The following BMP6 variants were observed in gnomAD, a reference collection of about 807,000 sequenced individuals.
BMP6 encodes VG-1-R.
In BMP6, 17 loss-of-function variants were observed where a neutral mutation model predicts 54.1. The ratio of observed to expected loss-of-function variants is 0.31; its 90% CI spans 0.22 to 0.47. The LOEUF is 0.47. Among genes scored for constraint, BMP6 ranks in the 20% least tolerant of loss-of-function variants. BMP6 has a pLI of 1.00. For missense variants in BMP6, 720 were observed against 690.4 expected (o/e 1.04, Z -0.48); for synonymous variants, 328 against 291.2 (o/e 1.13, Z -1.28).
chr6:7,781,049 C>G (rs1204322484), intron 1 of BMP6, among the ~76,000 whole-genome samples: 2 of 152,192 alleles, frequency 1.3e-5, no homozygotes, highest in Non-Finnish European at 2.9e-5. Context: ...TAACGACTTC[C>G]TAGTCCACAC....
chr6:7,842,669 G>A (rs1256261413), intron 1 of BMP6, among the ~76,000 whole-genome samples: 2 of 152,220 alleles, frequency 1.3e-5, no homozygotes, highest in Non-Finnish European at 1.5e-5. Context: ...GCCACCCGAA[G>A]GGAGCAGACC....
chr6:7,742,532 G>T (rs199992745), intron 1 of BMP6, among the ~76,000 whole-genome samples: 2 of 152,148 alleles, frequency 1.3e-5, no homozygotes, highest in Admixed American at 1.3e-4. Context: ...TTAGCTCCCC[G>T]CTAGGCAACA....
chr6:7,755,229 TC>T (rs1485113626), intron 1 of BMP6, among the ~76,000 whole-genome samples: 1 of 152,294 alleles, frequency 6.6e-6, no homozygotes, highest in East Asian at 1.9e-4. Flanking sequence ...CTATTTGTTT[TC>T]TATTTGTCCC....
At chr6:7,773,664 C>T (rs965567022) in intron 1 of BMP6, among the ~76,000 whole-genome samples, 6 of 152,124 alleles carry the variant, frequency 3.9e-5, no homozygotes, top group African/African-American at 1.4e-4. Flanking sequence ...AAAATGTGAA[C>T]AATGGTTAAA....
chr6:7,876,331 G>T (rs189620925), intron 4 of BMP6, among the ~76,000 whole-genome samples: 1 of 152,270 alleles, frequency 6.6e-6, no homozygotes, highest in East Asian at 1.9e-4. Flanking sequence ...GGCTAGATAA[G>T]AATTTATCTG....
intron 1 of BMP6, among the ~76,000 whole-genome samples, chr6:7,757,863 G>C (rs1343345722): frequency 6.6e-6 from 1 of 152,122 alleles, no homozygotes; most frequent in East Asian, 1.9e-4. Flanking sequence ...GAACTTCAGG[G>C]CAGTGAGAAA....
intron 1 of BMP6, among the ~76,000 whole-genome samples, chr6:7,838,007 AAAG>A (rs1195760688): frequency 1.3e-5 from 2 of 152,042 alleles, no homozygotes; most frequent in African/African-American, 4.8e-5. Context: ...TACTTCTTGA[AAAG>A]AAGGAGCTGA....
intron 2 of BMP6, among the ~76,000 whole-genome samples, chr6:7,859,422 GGCA>G (rs1389366472): frequency 1.3e-5 from 2 of 152,058 alleles, no homozygotes; most frequent in African/African-American, 4.8e-5. Context: ...CCGCCTTGAG[GGCA>G]GCCTTACCCC....
chr6:7,746,683 C>T (rs547547846), intron 1 of BMP6, among the ~76,000 whole-genome samples: 2 of 152,214 alleles, frequency 1.3e-5, no homozygotes, highest in East Asian at 1.9e-4. Flanking sequence ...TTAACCCGAT[C>T]CTCCTGGAAC....
intron 1 of BMP6, among the ~76,000 whole-genome samples, chr6:7,777,933 G>C (rs1182155235): frequency 6.6e-6 from 1 of 152,152 alleles, no homozygotes; most frequent in Non-Finnish European, 1.5e-5. Flanking sequence ...TTAAGGAATA[G>C]TGATGGCATT....
intron 1 of BMP6, among the ~76,000 whole-genome samples, chr6:7,774,785 A>C (rs1260083929): frequency 6.6e-6 from 1 of 152,238 alleles, no homozygotes; most frequent in Non-Finnish European, 1.5e-5. Context: ...ATATTGCCTT[A>C]GTTCTTTTTT....
intron 1 of BMP6, among the ~76,000 whole-genome samples, chr6:7,754,090 G>T (rs1379648087): frequency 6.6e-6 from 1 of 152,052 alleles, no homozygotes; most frequent in Non-Finnish European, 1.5e-5. Flanking sequence ...GGTCAAGTTA[G>T]TTGATAGTGT....
At chr6:7,860,712 G>C (rs754581078) in intron 2 of BMP6, among the ~76,000 whole-genome samples, 3 of 152,164 alleles carry the variant, frequency 2.0e-5, no homozygotes, top group Non-Finnish European at 4.4e-5. Context: ...AGTCCATATG[G>C]GGAAGGACTG....
intron 1 of BMP6, among the ~76,000 whole-genome samples, chr6:7,813,142 T>TATATATATATATATATATATAC (rs1758464429): frequency 1.1e-5 from 1 of 92,206 alleles, no homozygotes; most frequent in South Asian, 4.1e-4. Flanking sequence ...TATATATATA[T>TATATATATATATATATATATAC]ATATATAAAA....
At chr6:7,839,516 A>G (rs1455003917) in intron 1 of BMP6, among the ~76,000 whole-genome samples, 2 of 152,034 alleles carry the variant, frequency 1.3e-5, no homozygotes, top group African/African-American at 2.4e-5. Context: ...TTCTATCTCT[A>G]TGGATTTGAC....
At chr6:7,870,654 G>T (rs559733264) in intron 4 of BMP6, among the ~76,000 whole-genome samples, 9 of 152,126 alleles carry the variant, frequency 5.9e-5, no homozygotes, top group African/African-American at 1.9e-4. Context: ...AAAAAAAACG[G>T]GTCTCACTCT....
At chr6:7,879,742 C>T (rs965443651) in intron 5 of BMP6, among the ~76,000 whole-genome samples, 6 of 152,160 alleles carry the variant, frequency 3.9e-5, no homozygotes, top group South Asian at 4.1e-4. Flanking sequence ...TGGCAACCTA[C>T]GTGCTTCCAG....
At chr6:7,798,024 C>G (rs1017913842) in intron 1 of BMP6, among the ~76,000 whole-genome samples, 1 of 151,938 alleles carries the variant, frequency 6.6e-6, no homozygotes, top group Admixed American at 6.6e-5. Flanking sequence ...GATCTTGTGC[C>G]TGTCATTCTT....
intron 1 of BMP6, among the ~76,000 whole-genome samples, chr6:7,807,913 C>CTTTTTTTTTTTTTTTTTT (rs755894743): frequency 1.2e-5 from 1 of 81,502 alleles, no homozygotes; most frequent in East Asian, 3.8e-4. Flanking sequence ...GAAGTCTTTA[C>CTTTTTTTTTTTTTTTTTT]TTTTTTTTTT....
Sources: allele counts gnomAD v4.1 joint callset (sites outside exome capture counted in the v4.1 genomes callset), GRCh38; gene constraint gnomAD v4.1.1; transcripts MANE v1.5; gene names NCBI Gene and HGNC (gene_info 2026-07-23, HGNC 2026-07-21).